Variants in PRXL2A observed in about 807,000 individuals in gnomAD.
PRXL2A encodes peroxiredoxin-like 2A.
In PRXL2A, 26 loss-of-function variants were observed where a neutral mutation model predicts 25.6. The ratio of observed to expected loss-of-function variants is 1.02; its 90% CI spans 0.74 to 1.41. PRXL2A has a LOEUF of 1.41. Among genes scored for constraint, PRXL2A ranks in the 40% most tolerant of loss-of-function variants. The pLI is 0.00. For missense variants in PRXL2A, 246 were observed against 273.9 expected, an observed-to-expected ratio of 0.90 and a Z score of 0.72; for synonymous variants, 98 against 102.9, an observed-to-expected ratio of 0.95 and a Z score of 0.29.
At chr10:80,431,841 C>T (rs1845273290) in intron 5 of PRXL2A, 145 bp from the exon 6 acceptor site, 1 of 657,082 alleles carries the variant, frequency 1.5e-6, no homozygotes, top group Admixed American at 2.8e-5. Flanking sequence ...AGACTGAACT[C>T]CTTGAGGGCA....
At chr10:80,413,858 G>T in intron 1 of PRXL2A, 1 of 1,228,748 alleles carries the variant, frequency 8.1e-7, no homozygotes, top group Non-Finnish European at 1.0e-6. Flanking sequence ...GAGAAGCAGA[G>T]GTGTGGACGC....
At chr10:80,410,535 T>G (rs921021808) in intron 1 of PRXL2A, among the ~76,000 whole-genome samples, 1 of 152,228 alleles carries the variant, frequency 6.6e-6, no homozygotes, top group Non-Finnish European at 1.5e-5. Flanking sequence ...GGGGCACGAG[T>G]GAATCTGAGC....
intron 4 of PRXL2A, among the ~76,000 whole-genome samples, chr10:80,426,627 TGGG>T (rs1459456095): frequency 1.3e-5 from 2 of 152,222 alleles, no homozygotes; most frequent in Non-Finnish European, 2.9e-5. Context: ...CCTCCACTGT[TGGG>T]GGCCTAGTAC....
At chr10:80,413,515 T>G (rs1412420439) in intron 1 of PRXL2A, among the ~76,000 whole-genome samples, 1 of 152,206 alleles carries the variant, frequency 6.6e-6, no homozygotes, top group African/African-American at 2.4e-5. Context: ...TTTGCGCTAG[T>G]ATGACATGTG....
At chr10:80,425,644 G>A (rs1416847661) in intron 3 of PRXL2A, among the ~76,000 whole-genome samples, 2 of 152,208 alleles carry the variant, frequency 1.3e-5, no homozygotes, top group Non-Finnish European at 2.9e-5. Context: ...CAGGGAAGGG[G>A]CTGGGAGATG....
chr10:80,430,089 CTTTTTTTTTTTT>C (rs753076825), intron 5 of PRXL2A, among the ~76,000 whole-genome samples: 1 of 66,514 alleles, frequency 1.5e-5, no homozygotes. Context: ...TGGGGATTTC[CTTTTTTTTTTTT>C]TTTTTTTTTT....
In PRXL2A at chr10:80,425,967, C is replaced by T; in HGVS notation, c.372C>T (p.Phe124=). ...ACATCAGGACTGAAGTGAAGGATTT[C>T]CAGCCTTATTTCAAAGGAGAAATCT... ...KEHIRTEVKD[F]QPYFKGEIFL... The change falls in exon 4 of 6, where the codon TTC becomes TTT. Residue 124 remains phenylalanine (F), a synonymous_variant. Coordinates refer to ENST00000606162, the MANE Select transcript of PRXL2A (RefSeq NM_032333.5). 1 of 1,614,238 alleles carries T rather than the reference C, an allele frequency of 6.2e-7. No homozygotes were observed. The highest frequency in any genetic ancestry group is 8.5e-7 in the Non-Finnish European group (1 of 1,180,042).
rs1026837963 is a variant in PRXL2A at position 80,434,663 on chromosome 10, A to T, written c.*2564A>T. The T allele has an allele frequency of 2.0e-5, 3 of 152,164 alleles. No homozygotes were observed. Among genetic ancestry groups the T allele is most frequent in the African/African-American group, 7.2e-5 (3 of 41,436 alleles). 9.4% of individuals were successfully genotyped at this position (152,164 alleles called of 1,614,324 possible). ...AATAGAACTAGGGAAGTGCAAAATT[A>T]CAAAAAGCTGGTAAGGAGATTGGTC... On this transcript the variant is annotated 3_prime_UTR_variant, in exon 6 of 6. Transcript: ENST00000606162.
rs1393317325 is a variant in PRXL2A at position 80,425,850 on chromosome 10, C to A, written c.271-16C>A. 1 of 1,614,154 alleles carries A rather than the reference C, an allele frequency of 6.2e-7. No individual in the cohort carries two copies. Among genetic ancestry groups the A allele is most frequent in the African/African-American group, 1.3e-5 (1 of 75,056 alleles). On this transcript the variant is annotated splice_polypyrimidine_tract_variant and intron_variant, in intron 3 of 5. Coordinates refer to ENST00000606162, the MANE Select transcript of PRXL2A (RefSeq NM_032333.5). The stretch of plus-strand genomic sequence containing the variant: ...CAGCTGGGACAGATGTCCCTGAACC[C>A]TTGTGTCTTCTACAGGAAGCTGCGG...
chr10:80,432,172 C>A lies in PRXL2A; in HGVS notation c.*73C>A. The A allele has an allele frequency of 2.3e-6, 2 of 877,164 alleles. No individual in the cohort carries two copies. Among genetic ancestry groups the A allele is most frequent in the Non-Finnish European group, 3.7e-6 (2 of 540,062 alleles). The allele number at this position is 877,164 out of a possible 1,614,324, so 54.3% of individuals were successfully genotyped here. ...GTTCATGGGATGTATTGTTTCCACT[C>A]GTGTCCCTAAGGAGTGAGAAACCCA... On this transcript the variant is annotated 3_prime_UTR_variant, in exon 6 of 6. Coordinates refer to ENST00000606162, the MANE Select transcript of PRXL2A (RefSeq NM_032333.5).
chr10:80,427,317 T>C lies in PRXL2A; in HGVS notation c.412-15T>C. ...GTAGAGTACTCATATGGGATCTGTCTTTCTCACTCCATAGAAAAAGTTCTA... is the reference window on the plus strand; with the variant it reads ...GTAGAGTACTCATATGGGATCTGTCCTTCTCACTCCATAGAAAAAGTTCTA... On this transcript the variant is annotated splice_polypyrimidine_tract_variant and intron_variant, in intron 4 of 5. Coordinates refer to ENST00000606162, the MANE Select transcript of PRXL2A (RefSeq NM_032333.5). 5 of 1,613,098 alleles carry C rather than the reference T, an allele frequency of 3.1e-6. No individual in the cohort carries two copies. Among genetic ancestry groups the C allele is most frequent in the Middle Eastern group, 3.4e-4 (2 of 5,954 alleles).
At chr10:80,414,924 G>T (rs1160607459) in intron 1 of PRXL2A, among the ~76,000 whole-genome samples, 1 of 152,184 alleles carries the variant, frequency 6.6e-6, no homozygotes, top group Non-Finnish European at 1.5e-5. Flanking sequence ...AAATTCCTTT[G>T]ATTGTCCTTT....
intron 5 of PRXL2A, among the ~76,000 whole-genome samples, chr10:80,431,291 CTTT>C (rs36042493): frequency 2.2e-5 from 3 of 136,826 alleles, no homozygotes; most frequent in African/African-American, 5.3e-5. Flanking sequence ...TGTGGTGGGC[CTTT>C]TTTTTTTTTT....
At chr10:80,421,322 C>G (rs1305071831) in intron 2 of PRXL2A, among the ~76,000 whole-genome samples, 1 of 152,200 alleles carries the variant, frequency 6.6e-6, no homozygotes, top group Non-Finnish European at 1.5e-5. Flanking sequence ...AATGTGTTAG[C>G]TCTGCCTCCT....
chr10:80,418,844 G>A (rs987596656), intron 1 of PRXL2A, among the ~76,000 whole-genome samples: 1 of 152,224 alleles, frequency 6.6e-6, no homozygotes, highest in Non-Finnish European at 1.5e-5. Flanking sequence ...AGTCTTCCTA[G>A]CTGGCAGAAG....
chr10:80,427,695 T>A (rs1845097733), intron 5 of PRXL2A, among the ~76,000 whole-genome samples, 199 bp downstream of exon 5: 1 of 152,232 alleles, frequency 6.6e-6, no homozygotes, highest in Admixed American at 6.5e-5. Context: ...TACCTCATAC[T>A]TGAATCTACT....
intron 3 of PRXL2A, among the ~76,000 whole-genome samples, chr10:80,422,820 C>A (rs1844917873): frequency 6.6e-6 from 1 of 152,152 alleles, no homozygotes; most frequent in Non-Finnish European, 1.5e-5. Context: ...GGTCCAATTC[C>A]ATGCTTCTGA....
At chr10:80,410,178 TG>T (rs1844430929) in intron 1 of PRXL2A, among the ~76,000 whole-genome samples, 2 of 152,282 alleles carry the variant, frequency 1.3e-5, no homozygotes, top group Admixed American at 1.3e-4. Context: ...CTTGCTTCTT[TG>T]TGAAATGTTG....
chr10:80,416,420 C>T (rs1223211200), intron 1 of PRXL2A, among the ~76,000 whole-genome samples: 1 of 152,042 alleles, frequency 6.6e-6, no homozygotes, highest in East Asian at 1.9e-4. Flanking sequence ...GTGTCAAGCA[C>T]ATCAGAAGAA....
Sources: gnomAD v4.1 joint callset for allele counts (sites outside exome capture counted in the v4.1 genomes callset) on GRCh38, gnomAD v4.1.1 for gene constraint, MANE v1.5 for transcripts, NCBI Gene and HGNC (gene_info 2026-07-23, HGNC 2026-07-21) for gene names.